Variants in PIP5K1B observed in about 807,000 individuals in gnomAD.
PIP5K1B encodes phosphatidylinositol-4-phosphate 5-kinase type 1 beta.
In PIP5K1B, 42 loss-of-function variants were observed where a neutral mutation model predicts 67.0. The ratio of observed to expected loss-of-function variants is 0.63; its 90% CI spans 0.49 to 0.81. The LOEUF (loss-of-function observed/expected upper bound fraction) is 0.81, where lower values mean the gene tolerates loss of function less well. Among genes scored for constraint, PIP5K1B ranks in the 30% least tolerant of loss-of-function variants. PIP5K1B has a pLI of 0.00. For missense variants in PIP5K1B, 459 were observed against 646.3 expected (o/e 0.71, Z 3.14); for synonymous variants, 214 against 231.4 (o/e 0.92, Z 0.68).
chr9:68,815,268 A>G (rs947993313), intron 2 of PIP5K1B, among the ~76,000 whole-genome samples: 4 of 4,770 alleles, frequency 8.4e-4, no homozygotes, highest in Non-Finnish European at 2.4e-3. Flanking sequence ...TGGTACTATT[A>G]AAAAAAAAAA....
In PIP5K1B at chr9:68,949,899, A is replaced by T. The variant is rs77270426; in HGVS notation, c.1502+9109A>T. ...TGCCTTATTTGAACACGGTCCGAACAGTTGGCTACATCTGATTGGCCAAGA... is the reference window on the plus strand; with the variant it reads ...TGCCTTATTTGAACACGGTCCGAACTGTTGGCTACATCTGATTGGCCAAGA... On this transcript the variant is annotated intron_variant, in intron 14 of 15. Transcript: ENST00000265382. Among the ~76,000 whole-genome samples, 921 of 152,316 alleles carry T rather than the reference A, an allele frequency of 6.0e-3. 7 individuals carry two copies. Among genetic ancestry groups the T allele is most frequent in the African/African-American group, 0.021 (859 of 41,566 alleles).
chr9:68,893,324 A>AT (rs1197422677), intron 7 of PIP5K1B, among the ~76,000 whole-genome samples: 3 of 94,200 alleles, frequency 3.2e-5, no homozygotes, highest in Non-Finnish European at 4.4e-5. Context: ...TGTATTCCCT[A>AT]TTTTTTTTCT....
intron 13 of PIP5K1B, chr9:68,935,963 G>A (rs1350941589): frequency 1.3e-5 from 2 of 152,158 alleles, no homozygotes; most frequent in South Asian, 2.1e-4. Context: ...TAGTATATGT[G>A]CTGCCAAAGT....
intron 14 of PIP5K1B, among the ~76,000 whole-genome samples, chr9:68,969,058 C>T (rs1587736187): frequency 6.6e-6 from 1 of 152,068 alleles, no homozygotes. Context: ...TTAATACCTA[C>T]CCTGATGGGT....
chr9:68,959,542 T>G (rs1481646114), intron 14 of PIP5K1B, among the ~76,000 whole-genome samples: 1 of 152,152 alleles, frequency 6.6e-6, no homozygotes, highest in African/African-American at 2.4e-5. Flanking sequence ...AGTTGCTATT[T>G]CCAGTTTTTT....
chr9:68,895,234 T>C (rs1587630936), intron 8 of PIP5K1B, among the ~76,000 whole-genome samples: 1 of 129,644 alleles, frequency 7.7e-6, no homozygotes, highest in Non-Finnish European at 1.6e-5. Flanking sequence ...TTGTCCAAAG[T>C]GGGGAGGAAT....
intron 2 of PIP5K1B, among the ~76,000 whole-genome samples, chr9:68,802,770 C>G (rs994998954): frequency 2.0e-5 from 3 of 152,142 alleles, no homozygotes; most frequent in African/African-American, 7.2e-5. Flanking sequence ...TGACAGTCAT[C>G]CCATGTGGCT....
At chr9:68,960,300 T>C (rs1045945394) in intron 14 of PIP5K1B, among the ~76,000 whole-genome samples, 1 of 152,216 alleles carries the variant, frequency 6.6e-6, no homozygotes, top group Non-Finnish European at 1.5e-5. Context: ...TCCCCATCTC[T>C]GAAAGTTTAA....
intron 15 of PIP5K1B, among the ~76,000 whole-genome samples, chr9:68,995,235 A>AAGAG (rs141707400): frequency 1.3e-5 from 2 of 150,678 alleles, no homozygotes; most frequent in Admixed American, 6.6e-5. Context: ...GGGAGAAAGA[A>AAGAG]AGAGAGAAAG....
intron 8 of PIP5K1B, among the ~76,000 whole-genome samples, chr9:68,910,538 A>G (rs902941139): frequency 1.3e-5 from 2 of 152,242 alleles, no homozygotes; most frequent in Non-Finnish European, 2.9e-5. Flanking sequence ...AAAGCAGTAT[A>G]ACAAATATTC....
At chr9:68,849,812 TAA>T (rs1822389059) in intron 4 of PIP5K1B, among the ~76,000 whole-genome samples, 1 of 152,234 alleles carries the variant, frequency 6.6e-6, no homozygotes, top group Non-Finnish European at 1.5e-5. Context: ...TTTCTGTAGT[TAA>T]GAGTTTTTTT....
intron 4 of PIP5K1B, among the ~76,000 whole-genome samples, chr9:68,826,528 G>A (rs1981052): frequency 0.79 from 119,303 of 151,608 alleles, 46,965 homozygotes; most frequent in Admixed American, 0.85. Context: ...TTGCCTGCAG[G>A]CCCTATCTGT....
At chr9:68,833,215 G>A (rs1240036071) in intron 4 of PIP5K1B, among the ~76,000 whole-genome samples, 1 of 152,232 alleles carries the variant, frequency 6.6e-6, no homozygotes, top group East Asian at 1.9e-4. Context: ...ATAGGCAAAG[G>A]TACTGCTGCC....
chr9:68,891,384 T>A (rs1057099530), intron 7 of PIP5K1B, among the ~76,000 whole-genome samples: 1 of 151,180 alleles, frequency 6.6e-6, no homozygotes, highest in African/African-American at 2.4e-5. Flanking sequence ...GAGGAGAAGC[T>A]AAGGCCCTCA....
At chr9:68,988,236 G>A (rs958676147) in intron 14 of PIP5K1B, among the ~76,000 whole-genome samples, 1 of 151,684 alleles carries the variant, frequency 6.6e-6, no homozygotes, top group Admixed American at 6.6e-5. Context: ...CCCTTTTTCT[G>A]TGAGTTTAAA....
chr9:68,806,808 G>A (rs916527948), intron 2 of PIP5K1B, among the ~76,000 whole-genome samples: 1 of 152,146 alleles, frequency 6.6e-6, no homozygotes, highest in African/African-American at 2.4e-5. Context: ...ATTCTCTAGG[G>A]AAATTGTTGG....
intron 2 of PIP5K1B, among the ~76,000 whole-genome samples, chr9:68,754,705 A>G (rs1329936802): frequency 6.6e-6 from 1 of 152,186 alleles, no homozygotes; most frequent in Non-Finnish European, 1.5e-5. Flanking sequence ...TAATAATTTT[A>G]TCTTCCAGTT....
rs551122968 is a variant in PIP5K1B at position 68,732,812 on chromosome 9, G to A, written c.-242-9689G>A. On this transcript the variant is annotated intron_variant, in intron 1 of 15. Coordinates refer to ENST00000265382, the MANE Select transcript of PIP5K1B (RefSeq NM_003558.4). ...TCTGCTGTCCCTGAGGCAAAGCCGGGTAATTCTTTCTTGGAAAGAGTGGGC... is the reference window on the plus strand; with the variant it reads ...TCTGCTGTCCCTGAGGCAAAGCCGGATAATTCTTTCTTGGAAAGAGTGGGC... Among the ~76,000 whole-genome samples the A allele has an allele frequency of 1.7e-3, 259 of 150,842 alleles. 1 individual carries two copies. The highest frequency in any genetic ancestry group is 5.4e-3 in the African/African-American group (223 of 41,240).
At chr9:68,955,436 G>A (rs1828335364) in intron 14 of PIP5K1B, among the ~76,000 whole-genome samples, 1 of 152,236 alleles carries the variant, frequency 6.6e-6, no homozygotes, top group Admixed American at 6.5e-5. Context: ...GTTTGCTCTT[G>A]TCATTTGTCC....
Sources: gnomAD v4.1 joint callset for allele counts (sites outside exome capture counted in the v4.1 genomes callset) on GRCh38, gnomAD v4.1.1 for gene constraint, MANE v1.5 for transcripts, NCBI Gene and HGNC (gene_info 2026-07-23, HGNC 2026-07-21) for gene names.